The following RUFY2 variants were observed in gnomAD, a reference collection of about 807,000 sequenced individuals.
RUFY2 encodes the protein RUN and FYVE domain-containing protein 2.
Under a neutral mutation model 94.4 loss-of-function variants are expected in RUFY2, and 49 were observed. That is an observed-to-expected ratio of 0.52 (90% confidence interval 0.41 to 0.66). The LOEUF (loss-of-function observed/expected upper bound fraction) is 0.66, where lower values mean the gene tolerates loss of function less well. Among genes scored for constraint, RUFY2 ranks in the 30% least tolerant of loss-of-function variants. RUFY2 has a pLI of 0.00. For missense variants in RUFY2, 541 were observed against 692.8 expected, an observed-to-expected ratio of 0.78 and a Z score of 2.46; for synonymous variants, 255 against 235.7, an observed-to-expected ratio of 1.08 and a Z score of -0.75.
At chr10:68,394,685 A>G (rs946728354) in intron 4 of RUFY2, among the ~76,000 whole-genome samples, 1 of 151,146 alleles carries the variant, frequency 6.6e-6, no homozygotes, top group African/African-American at 2.4e-5. Flanking sequence ...GCCGGACTGC[A>G]GTGGCACTAT....
In RUFY2 at chr10:68,345,729, T is replaced by C. The variant is rs768043377; in HGVS notation, c.*39A>G. ...TTGTATACAACATCATAACATTCATTGTAGGTAATTTCATACATAAGGATT... is the reference window on the plus strand; with the variant it reads ...TTGTATACAACATCATAACATTCATCGTAGGTAATTTCATACATAAGGATT... On this transcript the variant is annotated 3_prime_UTR_variant, in exon 18 of 18. Transcript: ENST00000602465. 4.4e-6 allele frequency: 7 copies of C among 1,582,318 alleles called. No individual in the cohort carries two copies. The highest frequency in any genetic ancestry group is 4.3e-6 in the Non-Finnish European group (5 of 1,157,864).
intron 1 of RUFY2, chr10:68,406,892 G>T: frequency 6.3e-7 from 1 of 1,590,494 alleles, no homozygotes; most frequent in East Asian, 2.3e-5. Context: ...CCCGACCCGG[G>T]AGTGACACCC....
At chr10:68,357,077 A>G (rs2047107086) in intron 15 of RUFY2, among the ~76,000 whole-genome samples, 2 of 150,384 alleles carry the variant, frequency 1.3e-5, no homozygotes, top group Non-Finnish European at 3.0e-5. Context: ...TGAGGCAGGG[A>G]GAATCACTTG....
At chr10:68,384,461 G>C (rs1428799644) in intron 8 of RUFY2, among the ~76,000 whole-genome samples, 2 of 152,080 alleles carry the variant, frequency 1.3e-5, no homozygotes, top group African/African-American at 4.8e-5. Flanking sequence ...AGTATGTCCT[G>C]AATACAAAGT....
At chr10:68,384,753 A>G (rs1303432200) in intron 8 of RUFY2, among the ~76,000 whole-genome samples, 1 of 152,238 alleles carries the variant, frequency 6.6e-6, no homozygotes, top group Non-Finnish European at 1.5e-5. Flanking sequence ...ATGAAAGCAA[A>G]GCAGAGACCA....
chr10:68,375,151 T>C (rs1385120802), intron 13 of RUFY2, among the ~76,000 whole-genome samples: 1 of 151,946 alleles, frequency 6.6e-6, no homozygotes, highest in Non-Finnish European at 1.5e-5. Context: ...CCCAACACTT[T>C]GAGAGTTGAG....
At chr10:68,394,561 T>C (rs2050236781) in intron 4 of RUFY2, 110 bp from the exon 5 acceptor site, 4 of 714,760 alleles carry the variant, frequency 5.6e-6, no homozygotes, top group Non-Finnish European at 7.0e-6. Flanking sequence ...ATGGAAGCCA[T>C]CTCAGTTAGG....
chr10:68,383,682 G>C, intron 10 of RUFY2, 116 bp downstream of exon 10: 2 of 731,584 alleles, frequency 2.7e-6, no homozygotes, highest in Admixed American at 2.2e-5. Flanking sequence ...TAAGGGGTGA[G>C]CTTGCTACAT....
downstream of RUFY2, chr10:68,342,015 A>T: frequency 6.2e-7 from 1 of 1,614,134 alleles, no homozygotes. Context: ...ACTATGGGCA[A>T]GGCGGCATGA....
In RUFY2 at chr10:68,364,092, C is replaced by T. The variant is rs2047640963; in HGVS notation, c.1347G>A (p.Leu449=). 1 of 1,612,980 alleles carries T rather than the reference C, an allele frequency of 6.2e-7. No homozygotes were observed. The highest frequency in any genetic ancestry group is 8.5e-7 in the Non-Finnish European group (1 of 1,179,436). The change falls in exon 14 of 18, where the codon TTG becomes TTA. Residue 449 remains leucine, a synonymous_variant. Transcript: ENST00000602465. ...EKQLVQLETD[L]KIEKEWRQTL... ...TCTGCCTCCATTCCTTCTCAATCTTCAAGTCAGTTTCCAGTTGCACCCTTG... is the reference window on the plus strand; with the variant it reads ...TCTGCCTCCATTCCTTCTCAATCTTTAAGTCAGTTTCCAGTTGCACCCTTG...
At chr10:68,356,983 G>A (rs1247750354) in intron 15 of RUFY2, among the ~76,000 whole-genome samples, 1 of 151,650 alleles carries the variant, frequency 6.6e-6, no homozygotes, top group African/African-American at 2.4e-5. Context: ...GGCCAACATG[G>A]TGAAACCCCA....
At chr10:68,349,019 T>G (rs560982792) in intron 16 of RUFY2, among the ~76,000 whole-genome samples, 85 of 152,282 alleles carry the variant, frequency 5.6e-4, no homozygotes, top group Admixed American at 2.7e-3. Context: ...GAAATTCAAC[T>G]GCCACAGAGA....
rs139413737 is a variant in RUFY2, at chr10:68,379,700, T to G, written c.1108-179A>C. On this transcript the variant is annotated intron_variant, in intron 11 of 17. Coordinates refer to ENST00000602465, the MANE Select transcript of RUFY2 (RefSeq NM_001330103.2). ...CAAGTAGAGTTCTGATCTGTTAACC[T>G]GAGTATTTATAAGTTTCTTACACCA... Among the ~76,000 whole-genome samples, 897 of 152,182 alleles carry G rather than the reference T, an allele frequency of 5.9e-3. 16 individuals are homozygous for G. Among genetic ancestry groups the G allele is most frequent in the African/African-American group, 0.021 (860 of 41,512 alleles).
downstream of RUFY2, chr10:68,342,250 AAAAT>A (rs1199955298): frequency 6.1e-6 from 3 of 494,010 alleles, no homozygotes; most frequent in African/African-American, 2.0e-5. Context: ...CTTTGACTTA[AAAAT>A]AAATTTTTAT....
chr10:68,380,399 GA>G (rs927472233), intron 11 of RUFY2, among the ~76,000 whole-genome samples: 12 of 141,696 alleles, frequency 8.5e-5, no homozygotes, highest in Non-Finnish European at 1.4e-4. Flanking sequence ...AAGAAAAAAA[GA>G]AAAAAAAATT....
intron 3 of RUFY2, among the ~76,000 whole-genome samples, chr10:68,400,733 C>T (rs2050767063): frequency 7.0e-6 from 1 of 142,200 alleles, no homozygotes; most frequent in South Asian, 2.3e-4. Flanking sequence ...AGAATATAGG[C>T]TTGGCGCGGT....
At chr10:68,388,531 C>A (rs1241896001) in intron 7 of RUFY2, among the ~76,000 whole-genome samples, 15 of 152,086 alleles carry the variant, frequency 9.9e-5, no homozygotes, top group African/African-American at 3.4e-4. Context: ...ACAATAACTA[C>A]TTTTTATTAG....
At chr10:68,368,038 G>A (rs572869250) in intron 13 of RUFY2, among the ~76,000 whole-genome samples, 31 of 150,330 alleles carry the variant, frequency 2.1e-4, no homozygotes, top group Non-Finnish European at 4.3e-4. Flanking sequence ...TGACCTCAGC[G>A]CACTGCAACC....
intron 7 of RUFY2, among the ~76,000 whole-genome samples, chr10:68,386,407 T>C (rs2049497944): frequency 1.3e-5 from 2 of 152,358 alleles, no homozygotes; most frequent in Admixed American, 1.3e-4. Context: ...TGGAGTGCAG[T>C]GGCACGATCT....
Sources: allele counts gnomAD v4.1 joint callset (sites outside exome capture counted in the v4.1 genomes callset), GRCh38; gene constraint gnomAD v4.1.1; transcripts MANE v1.5; gene names NCBI Gene and HGNC (gene_info 2026-07-23, HGNC 2026-07-21).